PTPRT: variants seen among roughly 807,000 people sequenced by gnomAD.
PTPRT encodes protein tyrosine phosphatase receptor type T.
In PTPRT, 56 loss-of-function variants were observed where a neutral mutation model predicts 176.8. The ratio of observed to expected loss-of-function variants is 0.32; its 90% CI spans 0.26 to 0.40. PTPRT has a LOEUF of 0.40. Ranked by LOEUF, PTPRT falls within the 10% of genes least tolerant of loss-of-function variation. The pLI is 1.00. For synonymous variants in PTPRT, 783 were observed against 739.0 expected, an observed-to-expected ratio of 1.06 and a Z score of -0.96; for missense variants, 1,540 against 1,908.2, an observed-to-expected ratio of 0.81 and a Z score of 3.60.
intron 16 of PTPRT, among the ~76,000 whole-genome samples, chr20:42,178,480 C>G (rs986707683): frequency 6.6e-6 from 1 of 152,158 alleles, no homozygotes; most frequent in East Asian, 1.9e-4. Context: ...CCTGGCTCTA[C>G]TACTTATTAG....
intron 7 of PTPRT, among the ~76,000 whole-genome samples, chr20:42,487,807 T>C (rs564371176): frequency 1.3e-5 from 2 of 152,346 alleles, no homozygotes; most frequent in African/African-American, 2.4e-5. Flanking sequence ...TGAATTGTTA[T>C]AGCGGCAAGA....
intron 1 of PTPRT, among the ~76,000 whole-genome samples, chr20:42,949,992 C>T (rs961343404): frequency 6.6e-6 from 1 of 152,204 alleles, no homozygotes; most frequent in African/African-American, 2.4e-5. Context: ...GCCTGAGTGC[C>T]ACTGCCCTCC....
rs79090423 is a variant in PTPRT at position 42,500,596 on chromosome 20, G to A, written c.1154-28034C>T. On this transcript the variant is annotated intron_variant, in intron 7 of 30. Coordinates refer to ENST00000373187, the MANE Select transcript of PTPRT (RefSeq NM_007050.6). ...TTACTCCCCTTTAAAAAAATTCTCTGCCCTTACTGGCTGTCTTTAACACCA... is the reference window on the plus strand; with the variant it reads ...TTACTCCCCTTTAAAAAAATTCTCTACCCTTACTGGCTGTCTTTAACACCA... 7.6e-3 allele frequency among the ~76,000 whole-genome samples: 1,155 copies of A among 151,866 alleles called. 21 individuals carry two copies. Among genetic ancestry groups the A allele is most frequent in the African/African-American group, 0.027 (1,113 of 41,408 alleles).
chr20:42,594,883 T>C (rs1446593698), intron 7 of PTPRT, among the ~76,000 whole-genome samples: 1 of 152,206 alleles, frequency 6.6e-6, no homozygotes, highest in Non-Finnish European at 1.5e-5. Context: ...TCAGTGGTAC[T>C]GTGGGTTGGT....
In PTPRT at chr20:42,654,061, G is replaced by A. The variant is rs567109859; in HGVS notation, c.1153+23805C>T. Among the ~76,000 whole-genome samples the A allele has an allele frequency of 1.1e-3, 166 of 152,272 alleles. 1 individual carries two copies. Among genetic ancestry groups the A allele is most frequent in the African/African-American group, 3.9e-3 (162 of 41,560 alleles). ...AAGGGAGCAGGACAGGACAGGGGAG[G>A]CTGGAGAAGCTCTTGCAGGGCTTCA... On this transcript the variant is annotated intron_variant, in intron 7 of 30. Transcript: ENST00000373187.
chr20:42,608,378 A>G (rs959537434), intron 7 of PTPRT, among the ~76,000 whole-genome samples: 12 of 152,300 alleles, frequency 7.9e-5, no homozygotes, highest in Non-Finnish European at 1.5e-4. Context: ...CCGTGCTGTC[A>G]AAGCTGCCTC....
At chr20:42,200,757 C>T (rs1388450642) in intron 15 of PTPRT, among the ~76,000 whole-genome samples, 2 of 152,176 alleles carry the variant, frequency 1.3e-5, no homozygotes, top group East Asian at 3.9e-4. Flanking sequence ...AGTCTTATCA[C>T]ATGAAAGGCT....
chr20:42,863,423 A>G (rs892822013), intron 2 of PTPRT, among the ~76,000 whole-genome samples: 1 of 152,164 alleles, frequency 6.6e-6, no homozygotes, highest in Non-Finnish European at 1.5e-5. Context: ...TAGAAATGAG[A>G]GCAGGGAAGG....
chr20:42,652,470 G>A (rs982952019), intron 7 of PTPRT, among the ~76,000 whole-genome samples: 4 of 152,256 alleles, frequency 2.6e-5, no homozygotes, highest in East Asian at 3.9e-4. Context: ...CCTGCATCTG[G>A]TTATGATTGC....
At chr20:42,561,799 A>G (rs1237439762) in intron 7 of PTPRT, among the ~76,000 whole-genome samples, 1 of 152,218 alleles carries the variant, frequency 6.6e-6, no homozygotes, top group African/African-American at 2.4e-5. Flanking sequence ...GCATAAAACT[A>G]TAAAATGGAG....
intron 4 of PTPRT, among the ~76,000 whole-genome samples, chr20:42,778,311 A>G (rs1479093763): frequency 6.6e-6 from 1 of 152,196 alleles, no homozygotes. Context: ...CTGGCCTTGA[A>G]GGTAGTTACG....
At chr20:42,270,374 C>T (rs549811313) in intron 13 of PTPRT, 162 of 1,511,296 alleles carry the variant, frequency 1.1e-4, no homozygotes, top group South Asian at 3.2e-4. Flanking sequence ...CCCCTCCCAC[C>T]CGCCCAGGGC....
chr20:42,978,495 A>G (rs1428473940), intron 1 of PTPRT, among the ~76,000 whole-genome samples: 1 of 152,184 alleles, frequency 6.6e-6, no homozygotes. Flanking sequence ...TGAACATATC[A>G]CTTTATCACC....
At position 42,818,492 on chromosome 20, in the gene PTPRT, G is replaced by A. The variant is rs1018572092; in HGVS notation, c.215-27026C>T. On this transcript the variant is annotated intron_variant, in intron 2 of 30. Coordinates refer to ENST00000373187, the MANE Select transcript of PTPRT (RefSeq NM_007050.6). ...CCAGAGTGCCTTTCCTCCTCCAAACGACTGCAACGTCGTTCCATCACAAGC... is the reference window on the plus strand; with the variant it reads ...CCAGAGTGCCTTTCCTCCTCCAAACAACTGCAACGTCGTTCCATCACAAGC... Among the ~76,000 whole-genome samples the A allele has an allele frequency of 5.9e-5, 9 of 152,136 alleles. No homozygotes were observed. In the South Asian group the frequency reaches 1.5e-3, roughly 25 times the overall value.
At chr20:42,772,011 G>C (rs1047310257) in intron 4 of PTPRT, among the ~76,000 whole-genome samples, 27 of 152,202 alleles carry the variant, frequency 1.8e-4, no homozygotes, top group African/African-American at 6.3e-4. Flanking sequence ...GGGGGCAGGA[G>C]GGGTGTATTC....
At chr20:42,922,674 C>T (rs1979223655) in intron 1 of PTPRT, among the ~76,000 whole-genome samples, 1 of 152,166 alleles carries the variant, frequency 6.6e-6, no homozygotes, top group South Asian at 2.1e-4. Flanking sequence ...AATTCTATGT[C>T]CTACAGGAAT....
At chr20:42,503,546 G>A (rs1168411444) in intron 7 of PTPRT, among the ~76,000 whole-genome samples, 2 of 152,010 alleles carry the variant, frequency 1.3e-5, no homozygotes, top group African/African-American at 4.8e-5. Flanking sequence ...TATAGTTTGT[G>A]TGATGCTGAC....
chr20:42,373,755 A>G (rs1374597642), intron 9 of PTPRT, among the ~76,000 whole-genome samples: 3 of 152,246 alleles, frequency 2.0e-5, no homozygotes, highest in Non-Finnish European at 2.9e-5. Context: ...TACCAAAACC[A>G]GAGAATGAAA....
At chr20:42,927,192 C>A (rs1029074781) in intron 1 of PTPRT, among the ~76,000 whole-genome samples, 1 of 152,196 alleles carries the variant, frequency 6.6e-6, no homozygotes, top group Non-Finnish European at 1.5e-5. Flanking sequence ...GCTCCCAGAG[C>A]TGAAGCCACT....
Sources: allele counts gnomAD v4.1 joint callset (sites outside exome capture counted in the v4.1 genomes callset), GRCh38; gene constraint gnomAD v4.1.1; transcripts MANE v1.5; gene names NCBI Gene and HGNC (gene_info 2026-07-23, HGNC 2026-07-21).